RGS3: variants seen among roughly 807,000 people sequenced by gnomAD.
RGS3 encodes the protein regulator of G-protein signalling 3.
In RGS3, 80 loss-of-function variants were observed where a neutral mutation model predicts 132.6. That is an observed-to-expected ratio of 0.60 (90% CI 0.50 to 0.73). RGS3 has a LOEUF of 0.73. RGS3 is among the 30% of genes least tolerant of loss of function. The probability of loss-of-function intolerance (pLI) is 0.00; values close to 1 mark genes in which losing one functional copy is unlikely to be tolerated. For synonymous variants in RGS3, 598 were observed against 620.6 expected (o/e 0.96, Z 0.54); for missense variants, 1,382 against 1,530.8 (o/e 0.90, Z 1.62).
At chr9:113,563,644 G>A (rs552505778) in intron 19 of RGS3, among the ~76,000 whole-genome samples, 36 of 152,290 alleles carry the variant, frequency 2.4e-4, no homozygotes, top group Admixed American at 1.6e-3. Context: ...AAGGTTCCTA[G>A]GCCCTGCAAG....
intron 3 of RGS3, among the ~76,000 whole-genome samples, chr9:113,471,655 C>T (rs1232618850): frequency 2.0e-5 from 3 of 151,908 alleles, no homozygotes; most frequent in Admixed American, 6.6e-5. Flanking sequence ...CTCCCCTCCC[C>T]GCTCTCTCTC....
intron 7 of RGS3, among the ~76,000 whole-genome samples, chr9:113,493,189 G>C (rs1034086318): frequency 6.6e-6 from 1 of 152,264 alleles, no homozygotes; most frequent in South Asian, 2.1e-4. Context: ...GTTTATGATA[G>C]TCACTGCAAC....
chr9:113,522,586 G>A, intron 16 of RGS3: 1 of 253,462 alleles, frequency 3.9e-6, no homozygotes, highest in South Asian at 7.1e-5. Context: ...GGAGGCTCCA[G>A]GAGCATTTGG....
intron 3 of RGS3, among the ~76,000 whole-genome samples, chr9:113,466,981 T>C (rs1829664201): frequency 6.6e-6 from 1 of 152,218 alleles, no homozygotes; most frequent in Non-Finnish European, 1.5e-5. Flanking sequence ...TATTTTTTTT[T>C]TTATGACTGA....
At chr9:113,571,251 G>C (rs1213003223) in intron 19 of RGS3, among the ~76,000 whole-genome samples, 1 of 152,198 alleles carries the variant, frequency 6.6e-6, no homozygotes, top group Non-Finnish European at 1.5e-5. Flanking sequence ...GTTTGCTTCT[G>C]TTAGGTGAAT....
intron 10 of RGS3, chr9:113,505,123 C>T (rs1335556700): frequency 5.2e-6 from 2 of 383,018 alleles, no homozygotes; most frequent in East Asian, 4.8e-5. Flanking sequence ...GCTGGTGGGC[C>T]CTTGGATCAA....
At chr9:113,594,554 G>A (rs1490786368) in intron 22 of RGS3, 23 bp downstream of exon 20, 9 of 1,596,374 alleles carry the variant, frequency 5.6e-6, no homozygotes, top group Admixed American at 1.7e-5. Context: ...TGGCACCCTG[G>A]GACCCTTTGG....
chr9:113,512,164 T>C (rs1831432429), intron 14 of RGS3, among the ~76,000 whole-genome samples: 1 of 152,204 alleles, frequency 6.6e-6, no homozygotes, highest in South Asian at 2.1e-4. Flanking sequence ...TTACACAGAC[T>C]GTCTCTGACT....
At chr9:113,542,589 C>G (rs909941824) in intron 19 of RGS3, among the ~76,000 whole-genome samples, 2 of 152,166 alleles carry the variant, frequency 1.3e-5, no homozygotes, top group African/African-American at 4.8e-5. Context: ...CCCTGCCTAC[C>G]CTCCTCCTCA....
chr9:113,495,721 G>T, intron 7 of RGS3, 65 bp from the exon 6 acceptor site: 2 of 1,351,644 alleles, frequency 1.5e-6, no homozygotes, highest in South Asian at 1.2e-5. Flanking sequence ...TGCTATACTT[G>T]ATAATGGACC....
intron 1 of RGS3, among the ~76,000 whole-genome samples, chr9:113,448,495 T>C (rs927536627): frequency 6.6e-6 from 1 of 152,184 alleles, no homozygotes; most frequent in Non-Finnish European, 1.5e-5. Context: ...ACTCATTCTT[T>C]AGGTCTCAGC....
At chr9:113,490,975 CTT>C (rs1312730931) in intron 7 of RGS3, among the ~76,000 whole-genome samples, 1 of 128,122 alleles carries the variant, frequency 7.8e-6, no homozygotes, top group Non-Finnish European at 1.5e-5. Flanking sequence ...TTATATATAA[CTT>C]AATTATTATA....
chr9:113,479,041 G>C (rs552556773), intron 3 of RGS3: 1 of 176,760 alleles, frequency 5.7e-6, no homozygotes, highest in African/African-American at 2.4e-5. Flanking sequence ...GTTTGTCTAC[G>C]ACAGTGACCT....
chr9:113,514,547 G>A (rs1305244481), exon 15 of RGS3: 12 of 1,614,146 alleles, frequency 7.4e-6, no homozygotes, highest in Middle Eastern at 1.6e-4. Flanking sequence ...GAAGGGCCAC[G>A]GGAACTACCA....
Position 113,565,610 on chromosome 9 carries a change from C to A in RGS3, c.2038-17840C>A. The A allele has an allele frequency of 3.9e-6, 1 of 254,728 alleles. No homozygotes were observed. The highest frequency in any genetic ancestry group is 7.9e-6 in the Non-Finnish European group (1 of 126,550). 15.8% of individuals were successfully genotyped at this position (254,728 alleles called of 1,614,324 possible). A position where few individuals can be genotyped will look rare whatever the true frequency, so the allele number is the denominator to read the frequency against. On this transcript the variant is annotated intron_variant, in intron 19 of 24. Transcript: ENST00000350696. This position sits in a 1 kb window ranked among gnomAD's most constrained non-coding sequence, Gnocchi z 5.7. The stretch of plus-strand genomic sequence containing the variant: ...GGGGAAGGCAGCCGCTTGACACGGC[C>A]GCCAGGAGCTGCCACAGCCACGGCC...
intron 14 of RGS3, among the ~76,000 whole-genome samples, chr9:113,511,116 G>C (rs981672242): frequency 6.6e-6 from 1 of 152,168 alleles, no homozygotes; most frequent in Non-Finnish European, 1.5e-5. Flanking sequence ...GTGCCTGCCC[G>C]GCTGTGGTTG....
intron 10 of RGS3, among the ~76,000 whole-genome samples, chr9:113,503,994 C>G (rs1232753998): frequency 6.6e-6 from 1 of 152,194 alleles, no homozygotes; most frequent in African/African-American, 2.4e-5. Flanking sequence ...GCCTCCTCCC[C>G]CTTCCCCTTG....
At chr9:113,575,295 C>A (rs556978086) in intron 19 of RGS3, among the ~76,000 whole-genome samples, 19 of 152,134 alleles carry the variant, frequency 1.2e-4, no homozygotes, top group Non-Finnish European at 2.8e-4. Context: ...TTGGCTTTGT[C>A]CTGAGAGTCC....
At chr9:113,503,937 T>C (rs1405720921) in intron 10 of RGS3, among the ~76,000 whole-genome samples, 2 of 152,158 alleles carry the variant, frequency 1.3e-5, no homozygotes, top group African/African-American at 4.8e-5. Context: ...CTTCCTGTCT[T>C]AGCTGCGTGT....
Sources: gnomAD v4.1 joint callset for allele counts (sites outside exome capture counted in the v4.1 genomes callset) on GRCh38, gnomAD v4.1.1 for gene constraint, Gnocchi (gnomAD v3.1) non-coding constraint, MANE v1.5 for transcripts, NCBI Gene and HGNC (gene_info 2026-07-23, HGNC 2026-07-21) for gene names.